CCBE1: variants seen among roughly 807,000 people sequenced by gnomAD.
The protein encoded by CCBE1 is collagen and calcium-binding EGF domain-containing protein 1.
A neutral mutation model predicts 50.0 loss-of-function variants in CCBE1; 37 were observed. The observed-to-expected ratio is 0.74, with a 90% CI of 0.57 to 0.97. CCBE1 has a LOEUF of 0.97. Among genes scored for constraint, CCBE1 ranks in the 50% least tolerant of loss-of-function variants. The pLI is 0.00. For synonymous variants in CCBE1, 234 were observed against 203.7 expected (o/e 1.15, Z -1.27); for missense variants, 538 against 523.8 (o/e 1.03, Z -0.26).
At chr18:59,503,043 GCTCAACTGTTTTT>G (rs1188359643) in intron 2 of CCBE1, among the ~76,000 whole-genome samples, 7 of 152,234 alleles carry the variant, frequency 4.6e-5, no homozygotes, top group Non-Finnish European at 8.8e-5. Context: ...ACACAAATGT[GCTCAACTGTTTTT>G]CTTCTTCCTG....
intron 2 of CCBE1, among the ~76,000 whole-genome samples, chr18:59,636,595 AT>A (rs2053919822): frequency 6.6e-6 from 1 of 152,228 alleles, no homozygotes; most frequent in African/African-American, 2.4e-5. Context: ...CACATTTAAT[AT>A]TCCAAGTAAT....
At chr18:59,635,233 C>A (rs2053899883) in intron 2 of CCBE1, among the ~76,000 whole-genome samples, 1 of 152,056 alleles carries the variant, frequency 6.6e-6, no homozygotes, top group Non-Finnish European at 1.5e-5. Flanking sequence ...ATGGGAAGCC[C>A]CTAGCAATCT....
chr18:59,536,954 TGCA>T (rs1915274114), intron 2 of CCBE1, among the ~76,000 whole-genome samples: 1 of 142,372 alleles, frequency 7.0e-6, no homozygotes, highest in East Asian at 2.0e-4. Context: ...ATTGTGCCAC[TGCA>T]CTCCAGACTG....
intron 2 of CCBE1, among the ~76,000 whole-genome samples, chr18:59,596,141 A>G (rs927132430): frequency 3.9e-5 from 6 of 152,220 alleles, no homozygotes; most frequent in Non-Finnish European, 7.3e-5. Context: ...TGTTTGCCCT[A>G]TAACTTTCCT....
chr18:59,650,498 T>TA (rs2054112801), intron 2 of CCBE1, among the ~76,000 whole-genome samples: 1 of 151,744 alleles, frequency 6.6e-6, no homozygotes. Context: ...AAAAGGTACC[T>TA]AATCCTGTTA....
At chr18:59,584,529 A>T (rs539859648) in intron 2 of CCBE1, among the ~76,000 whole-genome samples, 2 of 152,154 alleles carry the variant, frequency 1.3e-5, no homozygotes, top group Admixed American at 6.5e-5. Context: ...GTAATCCTCA[A>T]TCTTTGAGGT....
chr18:59,663,000 A>T (rs2054305423), intron 2 of CCBE1, among the ~76,000 whole-genome samples: 1 of 150,578 alleles, frequency 6.6e-6, no homozygotes, highest in South Asian at 2.1e-4. Flanking sequence ...GAATGACTCC[A>T]AGTTCAATGT....
intron 2 of CCBE1, among the ~76,000 whole-genome samples, chr18:59,519,157 G>A (rs1361054335): frequency 6.6e-6 from 1 of 152,150 alleles, no homozygotes; most frequent in African/African-American, 2.4e-5. Context: ...AGCCAGCTCT[G>A]AGAGCAGGCC....
intron 5 of CCBE1, chr18:59,463,913 G>C (rs1430631181): frequency 6.6e-6 from 1 of 152,228 alleles, no homozygotes; most frequent in Non-Finnish European, 1.5e-5. Context: ...TCAGAGCATA[G>C]CTGAAAATCC....
intron 2 of CCBE1, among the ~76,000 whole-genome samples, chr18:59,484,166 T>C (rs901418043): frequency 2.0e-4 from 30 of 152,210 alleles, no homozygotes; most frequent in Admixed American, 9.2e-4. Context: ...GAAAACTGGC[T>C]TGAGTATTCA....
chr18:59,617,826 C>T (rs946294393), intron 2 of CCBE1, among the ~76,000 whole-genome samples: 3 of 152,174 alleles, frequency 2.0e-5, no homozygotes, highest in Non-Finnish European at 2.9e-5. Flanking sequence ...CCTCCACCTC[C>T]GAAAATCCTG....
At chr18:59,469,926 C>T (rs1230294236) in intron 3 of CCBE1, among the ~76,000 whole-genome samples, 1 of 152,142 alleles carries the variant, frequency 6.6e-6, no homozygotes. Context: ...GTTGGGGGTG[C>T]TGTTTTGTCT....
chr18:59,456,397 C>T (rs1015749436), intron 5 of CCBE1, among the ~76,000 whole-genome samples: 1 of 152,070 alleles, frequency 6.6e-6, no homozygotes, highest in African/African-American at 2.4e-5. Flanking sequence ...AGATGGGATC[C>T]TAGTCCAATA....
intron 2 of CCBE1, among the ~76,000 whole-genome samples, chr18:59,683,401 T>A (rs1173254045): frequency 4.6e-5 from 7 of 152,256 alleles, no homozygotes; most frequent in Admixed American, 2.0e-4. Flanking sequence ...TTTCTTTTTT[T>A]AAAAAGACAG....
intron 2 of CCBE1, among the ~76,000 whole-genome samples, chr18:59,531,418 G>A (rs1915043845): frequency 6.6e-6 from 1 of 151,900 alleles, no homozygotes; most frequent in East Asian, 1.9e-4. Context: ...AAGAATAACA[G>A]AAACAAATGT....
intron 2 of CCBE1, among the ~76,000 whole-genome samples, chr18:59,574,157 C>T (rs2052956395): frequency 6.6e-6 from 1 of 152,108 alleles, no homozygotes; most frequent in Non-Finnish European, 1.5e-5. Context: ...CACACTAGTG[C>T]CTCCCATGTG....
Position 59,451,649 on chromosome 18 carries a change from A to G in CCBE1, c.654+3202T>C, listed in dbSNP as rs141462863. On this transcript the variant is annotated intron_variant, in intron 6 of 10. Coordinates refer to ENST00000439986, the MANE Select transcript of CCBE1 (RefSeq NM_133459.4). ...ATACACCATTTAAAAACATGTTTTT[A>G]TTGCAAAATAAAGCAAAGAACCTGG... Among the ~76,000 whole-genome samples the G allele has an allele frequency of 2.0e-5, 3 of 152,248 alleles. No individual in the cohort carries two copies. In the East Asian group the frequency reaches 5.8e-4, roughly 29 times the overall value.
chr18:59,470,724 G>A (rs767290346), intron 3 of CCBE1, among the ~76,000 whole-genome samples: 12 of 152,106 alleles, frequency 7.9e-5, no homozygotes, highest in Admixed American at 3.3e-4. Context: ...ACTGACTCCC[G>A]GACCGGAGCC....
At chr18:59,640,028 T>C (rs1432564031) in intron 2 of CCBE1, among the ~76,000 whole-genome samples, 2 of 152,130 alleles carry the variant, frequency 1.3e-5, no homozygotes, top group South Asian at 2.1e-4. Flanking sequence ...TGCTCACAGA[T>C]AGAATCAGTA....
Sources: allele counts gnomAD v4.1 joint callset (sites outside exome capture counted in the v4.1 genomes callset), GRCh38; gene constraint gnomAD v4.1.1; transcripts MANE v1.5; gene names NCBI Gene and HGNC (gene_info 2026-07-23, HGNC 2026-07-21).